Variants in SGCZ observed in about 807,000 individuals in gnomAD.
SGCZ encodes the protein sarcoglycan zeta, also known as zeta-sarcoglycan.
SGCZ carries 40 observed loss-of-function variants against 41.3 expected under a neutral mutation model. That is an observed-to-expected ratio of 0.97 (90% CI 0.75 to 1.26). The LOEUF (loss-of-function observed/expected upper bound fraction) is 1.26. Among genes scored for constraint, SGCZ ranks in the 50% most tolerant of loss-of-function variants. The probability of loss-of-function intolerance (pLI) is 0.00; values close to 1 mark genes in which losing one functional copy is unlikely to be tolerated. For synonymous variants in SGCZ, 206 were observed against 137.5 expected (o/e 1.50, Z -3.49); for missense variants, 552 against 369.8 (o/e 1.49, Z -4.04).
intron 3 of SGCZ, among the ~76,000 whole-genome samples, chr8:14,279,154 C>G (rs1295461363): frequency 1.3e-5 from 2 of 151,918 alleles, no homozygotes; most frequent in Non-Finnish European, 2.9e-5. Flanking sequence ...TGTGCCAGCA[C>G]TTTATTAAGA....
At chr8:14,264,575 G>C (rs192158232) in intron 3 of SGCZ, among the ~76,000 whole-genome samples, 64 of 152,294 alleles carry the variant, frequency 4.2e-4, no homozygotes, top group African/African-American at 1.5e-3. Context: ...AATGGGCTTA[G>C]AGCATTATCT....
chr8:14,386,992 T>A lies in SGCZ; in HGVS notation c.235-62788A>T, dbSNP rs568453820. On this transcript the variant is annotated intron_variant, in intron 2 of 7. Transcript: ENST00000382080. ...AATCTAGTTTTGTTGAAAGATTTGA[T>A]GTTTGCCAAAGTAAAGTACTTACTG... 2.6e-5 allele frequency among the ~76,000 whole-genome samples: 4 copies of A among 152,344 alleles called. No homozygotes were observed. The South Asian group carries it at 8.3e-4, about 32-fold the overall frequency.
intron 1 of SGCZ, among the ~76,000 whole-genome samples, chr8:14,905,376 C>T (rs780915543): frequency 1.9e-4 from 29 of 152,046 alleles, no homozygotes; most frequent in Admixed American, 1.3e-3. Context: ...AAGAAAACTA[C>T]GACATGACAT....
intron 5 of SGCZ, among the ~76,000 whole-genome samples, chr8:14,153,671 C>A (rs1289162382): frequency 6.6e-6 from 1 of 152,084 alleles, no homozygotes; most frequent in East Asian, 1.9e-4. Flanking sequence ...CCTACCAAGC[C>A]AACTGATACT....
intron 4 of SGCZ, among the ~76,000 whole-genome samples, chr8:14,209,143 G>T (rs910023204): frequency 6.6e-6 from 1 of 152,206 alleles, no homozygotes; most frequent in Non-Finnish European, 1.5e-5. Flanking sequence ...AAGCCCATTT[G>T]CATATTAGTG....
chr8:14,953,050 A>G (rs797017932), intron 1 of SGCZ, among the ~76,000 whole-genome samples: 1 of 152,174 alleles, frequency 6.6e-6, no homozygotes, highest in Non-Finnish European at 1.5e-5. Flanking sequence ...AGGCATACAC[A>G]GGGATAAAAC....
chr8:14,265,819 A>G (rs987964194), intron 3 of SGCZ, among the ~76,000 whole-genome samples: 1 of 151,986 alleles, frequency 6.6e-6, no homozygotes, highest in Non-Finnish European at 1.5e-5. Flanking sequence ...CCTAGACTTG[A>G]AAATTACAAT....
chr8:14,795,836 C>G (rs903207826), intron 1 of SGCZ, among the ~76,000 whole-genome samples: 16 of 152,100 alleles, frequency 1.1e-4, no homozygotes, highest in African/African-American at 3.6e-4. Context: ...ACCCTCCACC[C>G]TCCGAAAGAT....
chr8:14,297,893 G>T (rs966669636), intron 3 of SGCZ, among the ~76,000 whole-genome samples: 12 of 151,886 alleles, frequency 7.9e-5, no homozygotes, highest in Non-Finnish European at 1.2e-4. Flanking sequence ...CTCATTTTAG[G>T]AGGGAGAATG....
chr8:14,988,464 T>C (rs1585441795), intron 1 of SGCZ, among the ~76,000 whole-genome samples: 1 of 152,212 alleles, frequency 6.6e-6, no homozygotes, highest in East Asian at 1.9e-4. Flanking sequence ...CTTGACAAGC[T>C]TCTTTTATCT....
At chr8:14,413,404 C>T (rs1799413385) in intron 2 of SGCZ, among the ~76,000 whole-genome samples, 4 of 151,788 alleles carry the variant, frequency 2.6e-5, no homozygotes, top group African/African-American at 7.3e-5. Flanking sequence ...TTTTTTGTTG[C>T]TTTATTCTCT....
chr8:14,781,707 A>G (rs1800593418), intron 1 of SGCZ, among the ~76,000 whole-genome samples: 1 of 152,218 alleles, frequency 6.6e-6, no homozygotes, highest in Non-Finnish European at 1.5e-5. Flanking sequence ...AATCTCATAA[A>G]TTGAAAATAT....
intron 1 of SGCZ, among the ~76,000 whole-genome samples, chr8:15,170,622 C>T (rs1799799736): frequency 6.6e-6 from 1 of 152,180 alleles, no homozygotes; most frequent in Admixed American, 6.5e-5. Flanking sequence ...ATCCAGGTGA[C>T]TGGGTTTTGT....
chr8:14,915,495 G>A (rs1365704283), intron 1 of SGCZ, among the ~76,000 whole-genome samples: 2 of 152,138 alleles, frequency 1.3e-5, no homozygotes, highest in African/African-American at 2.4e-5. Context: ...GTGAATGCCA[G>A]AAGGAACCAG....
chr8:14,383,559 C>CA (rs1223526091), intron 2 of SGCZ, among the ~76,000 whole-genome samples: 1 of 152,036 alleles, frequency 6.6e-6, no homozygotes, highest in Non-Finnish European at 1.5e-5. Context: ...TGTTAAACAG[C>CA]AAAAAAGAAC....
At chr8:14,704,956 T>C (rs1809287395) in intron 1 of SGCZ, among the ~76,000 whole-genome samples, 1 of 152,040 alleles carries the variant, frequency 6.6e-6, no homozygotes, top group South Asian at 2.1e-4. Context: ...AGCTAAAACA[T>C]ATAAAAAGTC....
chr8:14,297,771 A>C (rs1285259152), intron 3 of SGCZ, among the ~76,000 whole-genome samples: 2 of 152,084 alleles, frequency 1.3e-5, no homozygotes, highest in Non-Finnish European at 2.9e-5. Context: ...CTCAGTTGGT[A>C]ATTTAAAACC....
At chr8:14,687,128 C>A (rs6988097) in intron 1 of SGCZ, among the ~76,000 whole-genome samples, 59,340 of 148,490 alleles carry the variant, frequency 0.4, 16,161 homozygotes, top group African/African-American at 0.78. Flanking sequence ...ACCTTAACAA[C>A]AGTTCATTTC....
intron 1 of SGCZ, among the ~76,000 whole-genome samples, chr8:14,727,130 C>G (rs1234734559): frequency 6.6e-6 from 1 of 151,924 alleles, no homozygotes; most frequent in Non-Finnish European, 1.5e-5. Context: ...AAAAACAAAT[C>G]AAATAATATA....
Sources: allele counts gnomAD v4.1 joint callset (sites outside exome capture counted in the v4.1 genomes callset), GRCh38; gene constraint gnomAD v4.1.1; transcripts MANE v1.5; gene names NCBI Gene and HGNC (gene_info 2026-07-23, HGNC 2026-07-21).